LPP: variants seen among roughly 807,000 people sequenced by gnomAD.
LPP encodes the protein LIM domain containing preferred translocation partner in lipoma.
A neutral mutation model predicts 60.4 loss-of-function variants in LPP; 38 were observed. That is an observed-to-expected ratio of 0.63 (90% CI 0.49 to 0.83). The LOEUF (loss-of-function observed/expected upper bound fraction) is 0.83, where lower values mean the gene tolerates loss of function less well. Among genes scored for constraint, LPP ranks in the 40% least tolerant of loss-of-function variants. The pLI is 0.00. For synonymous variants in LPP, 328 were observed against 290.8 expected, an observed-to-expected ratio of 1.13 and a Z score of -1.30; for missense variants, 902 against 783.6, an observed-to-expected ratio of 1.15 and a Z score of -1.80.
chr3:188,708,493 A>G (rs1865924260), intron 8 of LPP, 100 bp downstream of exon 8: 2 of 1,510,318 alleles, frequency 1.3e-6, no homozygotes, highest in Admixed American at 1.7e-5. Flanking sequence ...AAAGTATTTG[A>G]GTCCAGATGC....
rs1242041014 is a variant in LPP at position 188,352,470 on chromosome 3, T to G, written c.-10+10751T>G. Reference sequence around the variant, plus strand: ...CACGTCAGTGCCTCTTCGGGAGCTGTGTGACTGGCGAGCCCTCAGTTGCCA... The same window carrying G: ...CACGTCAGTGCCTCTTCGGGAGCTGGGTGACTGGCGAGCCCTCAGTTGCCA... On this transcript the variant is annotated intron_variant, in intron 3 of 11. Coordinates refer to ENST00000617246, the MANE Select transcript of LPP (RefSeq NM_001375462.1). This position sits in a 1 kb window ranked among gnomAD's most constrained non-coding sequence, Gnocchi z 4.4. Among the ~76,000 whole-genome samples the G allele has an allele frequency of 1.3e-5, 2 of 152,176 alleles. No homozygotes were observed. The highest frequency in any genetic ancestry group is 4.8e-5 in the African/African-American group (2 of 41,450).
chr3:188,680,534 T>C (rs1859253828), intron 7 of LPP, among the ~76,000 whole-genome samples: 1 of 152,166 alleles, frequency 6.6e-6, no homozygotes, highest in Admixed American at 6.5e-5. Context: ...CCTGCAATAG[T>C]GGGAGAACAT....
chr3:188,585,558 C>T (rs1195943129), intron 6 of LPP, among the ~76,000 whole-genome samples: 1 of 152,180 alleles, frequency 6.6e-6, no homozygotes, highest in African/African-American at 2.4e-5. Context: ...CTGAAGGGAC[C>T]AGCACAGGGG....
At chr3:188,368,345 T>G (rs931413169) in intron 3 of LPP, among the ~76,000 whole-genome samples, 1 of 150,910 alleles carries the variant, frequency 6.6e-6, no homozygotes, top group African/African-American at 2.4e-5. Context: ...AACAACACCC[T>G]TTTTTAACTT....
chr3:188,289,249 T>C (rs1370395626), intron 2 of LPP, among the ~76,000 whole-genome samples: 1 of 152,210 alleles, frequency 6.6e-6, no homozygotes, highest in Non-Finnish European at 1.5e-5. Context: ...CTGTGTGTTT[T>C]ACAGACTAGC....
intron 1 of LPP, among the ~76,000 whole-genome samples, chr3:188,163,680 G>A (rs538406978): frequency 1.6e-4 from 25 of 151,960 alleles, no homozygotes; most frequent in African/African-American, 4.6e-4. Flanking sequence ...GGTGGCTCAC[G>A]CCTGTAGTCC....
intron 5 of LPP, among the ~76,000 whole-genome samples, chr3:188,492,765 T>C: frequency 6.6e-6 from 1 of 152,196 alleles, no homozygotes; most frequent in East Asian, 1.9e-4. Context: ...TTTTCAAATT[T>C]ATTTCTCTAT....
chr3:188,340,770 T>C (rs543017629), intron 2 of LPP, among the ~76,000 whole-genome samples: 13 of 152,324 alleles, frequency 8.5e-5, no homozygotes, highest in African/African-American at 2.9e-4. Context: ...GATGAGGTCA[T>C]GTGAGAGTGA....
intron 9 of LPP, among the ~76,000 whole-genome samples, chr3:188,804,705 T>G (rs1748544852): frequency 6.6e-6 from 1 of 152,088 alleles, no homozygotes; most frequent in Non-Finnish European, 1.5e-5. Flanking sequence ...CTTGCCCAAT[T>G]GCCCTGGCTA....
At chr3:188,269,287 T>C (rs1252571636) in intron 2 of LPP, among the ~76,000 whole-genome samples, 3 of 152,228 alleles carry the variant, frequency 2.0e-5, no homozygotes, top group African/African-American at 7.2e-5. Context: ...TATTGAACTG[T>C]GTGCCATTGG....
chr3:188,560,642 T>C (rs1830462011), intron 6 of LPP, among the ~76,000 whole-genome samples: 1 of 152,100 alleles, frequency 6.6e-6, no homozygotes, highest in South Asian at 2.1e-4. Context: ...TATGCTTTGA[T>C]TTACTGGATA....
intron 2 of LPP, among the ~76,000 whole-genome samples, chr3:188,241,204 A>G (rs992711221): frequency 6.6e-6 from 1 of 152,212 alleles, no homozygotes; most frequent in South Asian, 2.1e-4. Flanking sequence ...AACTACTGAT[A>G]TAGCATGAAT....
chr3:188,744,533 T>G (rs9816134), intron 8 of LPP, among the ~76,000 whole-genome samples: 33,479 of 152,168 alleles, frequency 0.22, 4,246 homozygotes, highest in Middle Eastern at 0.43. Context: ...TTCATTGTGC[T>G]ATCTTGGACA....
At chr3:188,710,979 T>G (rs1866513812) in intron 8 of LPP, 1 of 152,246 alleles carries the variant, frequency 6.6e-6, no homozygotes, top group Non-Finnish European at 1.5e-5. Flanking sequence ...ACTGTTGTTT[T>G]AAGAAATGGA....
intron 3 of LPP, among the ~76,000 whole-genome samples, chr3:188,345,229 C>T (rs1371474206): frequency 6.6e-6 from 1 of 152,208 alleles, no homozygotes; most frequent in African/African-American, 2.4e-5. Flanking sequence ...AAACCAATTT[C>T]ATTTTCAGCA....
chr3:188,492,363 A>G (rs1335476447), intron 5 of LPP, among the ~76,000 whole-genome samples: 2 of 152,020 alleles, frequency 1.3e-5, no homozygotes, highest in Non-Finnish European at 2.9e-5. Context: ...TTTTTATTTT[A>G]ACTTACAAAA....
At chr3:188,600,955 T>A (rs1015279708) in intron 6 of LPP, among the ~76,000 whole-genome samples, 1 of 152,108 alleles carries the variant, frequency 6.6e-6, no homozygotes, top group Non-Finnish European at 1.5e-5. Context: ...TAGATAGATA[T>A]AGATGTGTGT....
At chr3:188,454,247 A>G (rs1198458045) in intron 4 of LPP, among the ~76,000 whole-genome samples, 1 of 152,238 alleles carries the variant, frequency 6.6e-6, no homozygotes, top group African/African-American at 2.4e-5. Flanking sequence ...CTGCCGTGCA[A>G]TGCTGTAGGT....
chr3:188,196,523 C>G (rs58433386), intron 1 of LPP, among the ~76,000 whole-genome samples: 17,660 of 152,172 alleles, frequency 0.12, 1,918 homozygotes, highest in East Asian at 0.52. Context: ...CATTCAGGCC[C>G]TCAGCATCTC....
Sources: allele counts gnomAD v4.1 joint callset (sites outside exome capture counted in the v4.1 genomes callset), GRCh38; gene constraint gnomAD v4.1.1; non-coding constraint Gnocchi (gnomAD v3.1); transcripts MANE v1.5; gene names NCBI Gene and HGNC (gene_info 2026-07-23, HGNC 2026-07-21).